AFG2A: variants seen among roughly 807,000 people sequenced by gnomAD.
AFG2A encodes the protein ATPase family gene 2 protein homolog A.
At chr4:123,136,842 CAAA>C in the AFG2A span, among the ~76,000 whole-genome samples, 3 of 110,466 alleles carry the variant, frequency 2.7e-5, no homozygotes, top group Non-Finnish European at 4.0e-5. Context: ...AACTCCATCT[CAAA>C]AAAAAAAAAA....
the AFG2A span, among the ~76,000 whole-genome samples, chr4:123,173,925 C>T: frequency 6.6e-6 from 1 of 151,388 alleles, no homozygotes; most frequent in Non-Finnish European, 1.5e-5. Flanking sequence ...AAACTTTATA[C>T]AAAGCAAGAC....
chr4:123,257,547 T>C, the AFG2A span, among the ~76,000 whole-genome samples: 2 of 152,188 alleles, frequency 1.3e-5, no homozygotes, highest in Non-Finnish European at 2.9e-5. Flanking sequence ...TAAAAAGCCA[T>C]GTGGAAAGTA....
the AFG2A span, among the ~76,000 whole-genome samples, chr4:123,153,419 C>T: frequency 2.0e-5 from 3 of 152,172 alleles, no homozygotes; most frequent in Non-Finnish European, 4.4e-5. Context: ...GTAGATTCAA[C>T]CTCTTGATGG....
the AFG2A span, among the ~76,000 whole-genome samples, chr4:123,257,182 TAAC>T: frequency 6.6e-6 from 1 of 152,138 alleles, no homozygotes; most frequent in African/African-American, 2.4e-5. Context: ...TCATAGCTAA[TAAC>T]AACAACCAAA....
the AFG2A span, among the ~76,000 whole-genome samples, chr4:123,092,718 C>G: frequency 5.3e-5 from 8 of 152,146 alleles, no homozygotes; most frequent in Non-Finnish European, 7.4e-5. Flanking sequence ...GCTCATGTTT[C>G]TAAACTCACA....
At chr4:123,045,687 T>C in the AFG2A span, among the ~76,000 whole-genome samples, 1 of 152,250 alleles carries the variant, frequency 6.6e-6, no homozygotes, top group East Asian at 1.9e-4. Flanking sequence ...ACTTGTCGTA[T>C]TTCTAGTGAT....
chr4:123,140,371 A>G, the AFG2A span, among the ~76,000 whole-genome samples: 2 of 152,106 alleles, frequency 1.3e-5, no homozygotes, highest in African/African-American at 4.8e-5. Context: ...TTACATTCCA[A>G]CATCACAATA....
chr4:123,292,769 C>T, the AFG2A span, among the ~76,000 whole-genome samples: 3,439 of 152,214 alleles, frequency 0.023, 139 homozygotes, highest in African/African-American at 0.077. Context: ...CATCATTCTC[C>T]GGTGGTGTGT....
chr4:123,177,257 G>A, the AFG2A span, among the ~76,000 whole-genome samples: 8,360 of 148,436 alleles, frequency 0.056, 389 homozygotes, highest in African/African-American at 0.12. Flanking sequence ...CAGTGGCACG[G>A]TCTCGGCTCA....
the AFG2A span, among the ~76,000 whole-genome samples, chr4:123,279,445 G>A: frequency 6.6e-6 from 1 of 151,548 alleles, no homozygotes; most frequent in African/African-American, 2.4e-5. Context: ...TAGAACTAAT[G>A]TATATAAAAT....
At chr4:123,252,483 A>AT in the AFG2A span, among the ~76,000 whole-genome samples, 83,658 of 152,102 alleles carry the variant, frequency 0.55, 25,861 homozygotes, top group Non-Finnish European at 0.67. Context: ...TTCTTACGTG[A>AT]TTTTTTCCAA....
chr4:123,262,231 T>C, the AFG2A span, among the ~76,000 whole-genome samples: 3 of 152,224 alleles, frequency 2.0e-5, no homozygotes, highest in South Asian at 6.2e-4. Flanking sequence ...CATTTATGTA[T>C]TGATTCTAAG....
chr4:123,136,439 C>T, the AFG2A span, among the ~76,000 whole-genome samples: 7 of 151,820 alleles, frequency 4.6e-5, no homozygotes, highest in Non-Finnish European at 8.8e-5. Context: ...GAGGCCTAGA[C>T]GGGCGGATCA....
chr4:123,219,055 A>G, the AFG2A span, among the ~76,000 whole-genome samples: 14 of 152,316 alleles, frequency 9.2e-5, no homozygotes, highest in East Asian at 7.7e-4. Context: ...ATGATAGGCT[A>G]TCTACAAGCT....
chr4:123,278,844 A>G, the AFG2A span, among the ~76,000 whole-genome samples: 2 of 152,216 alleles, frequency 1.3e-5, no homozygotes, highest in African/African-American at 4.8e-5. Flanking sequence ...AAATATAAAT[A>G]TAATGCATGT....
chr4:123,025,119 G>A, the AFG2A span, among the ~76,000 whole-genome samples: 3 of 152,168 alleles, frequency 2.0e-5, no homozygotes, highest in Non-Finnish European at 4.4e-5. Context: ...TCCAGAATCC[G>A]GTAGAGACAC....
the AFG2A span, among the ~76,000 whole-genome samples, chr4:123,202,240 G>A: frequency 6.6e-6 from 1 of 152,056 alleles, no homozygotes; most frequent in Admixed American, 6.6e-5. Flanking sequence ...TAATACTTCA[G>A]AACAGTGATC....
At chr4:123,132,937 C>T in the AFG2A span, among the ~76,000 whole-genome samples, 3 of 151,950 alleles carry the variant, frequency 2.0e-5, no homozygotes, top group Non-Finnish European at 4.4e-5. Flanking sequence ...CCCACCACCA[C>T]GCCCGGCTAA....
chr4:123,199,142 C>T, the AFG2A span, among the ~76,000 whole-genome samples: 2 of 152,126 alleles, frequency 1.3e-5, no homozygotes, highest in African/African-American at 4.8e-5. Flanking sequence ...ATCAGAGCTA[C>T]TCCTTGACCT....
Sources: gnomAD v4.1 joint callset for allele counts (sites outside exome capture counted in the v4.1 genomes callset) on GRCh38, gnomAD v4.1.1 for gene constraint, MANE v1.5 for transcripts, NCBI Gene and HGNC (gene_info 2026-07-23, HGNC 2026-07-21) for gene names.